Variants in BRINP3 observed in about 807,000 individuals in gnomAD.
BRINP3 encodes the protein BMP/retinoic acid inducible neural specific 3.
BRINP3 carries 19 observed loss-of-function variants against 71.0 expected under a neutral mutation model. That is an observed-to-expected ratio of 0.27 (90% CI 0.19 to 0.39). The LOEUF (loss-of-function observed/expected upper bound fraction) is 0.39, where lower values mean the gene tolerates loss of function less well. Ranked by LOEUF, BRINP3 falls within the 10% of genes least tolerant of loss-of-function variation. The probability of loss-of-function intolerance (pLI) is 1.00; values close to 1 mark genes in which losing one functional copy is unlikely to be tolerated. For missense variants in BRINP3, 959 were observed against 940.8 expected (o/e 1.02, Z -0.25); for synonymous variants, 380 against 337.7 (o/e 1.13, Z -1.37).
intron 2 of BRINP3, among the ~76,000 whole-genome samples, chr1:190,406,791 A>C (rs780822637): frequency 6.6e-6 from 1 of 151,930 alleles, no homozygotes; most frequent in Non-Finnish European, 1.5e-5. Flanking sequence ...ATTTCAAATA[A>C]ATAATTATAA....
intron 7 of BRINP3, among the ~76,000 whole-genome samples, chr1:190,124,764 G>T (rs1653953423): frequency 6.6e-6 from 1 of 152,014 alleles, no homozygotes. Context: ...AAAAAGAACA[G>T]GGAAGGGAGA....
intron 2 of BRINP3, among the ~76,000 whole-genome samples, chr1:190,423,024 T>C (rs2102468189): frequency 6.6e-6 from 1 of 151,930 alleles, no homozygotes; most frequent in South Asian, 2.1e-4. Flanking sequence ...AGGCAGGCAG[T>C]AAGCTTCCAT....
intron 6 of BRINP3, among the ~76,000 whole-genome samples, chr1:190,189,807 G>A (rs2102568029): frequency 6.6e-6 from 1 of 152,040 alleles, no homozygotes; most frequent in Non-Finnish European, 1.5e-5. Context: ...TGTTTCCCTG[G>A]ATATTCTTGA....
In BRINP3 at chr1:190,370,166, T is replaced by C. The variant is rs369986361; in HGVS notation, c.236+84489A>G. ...CACAATTGTCAAATTAATCCATGAA[T>C]GCATACACACATACACAAGCACAAT... On this transcript the variant is annotated intron_variant, in intron 2 of 7. Transcript: ENST00000367462. 1.4e-4 allele frequency among the ~76,000 whole-genome samples: 21 copies of C among 152,306 alleles called. No individual in the cohort carries two copies. The South Asian group carries it at 3.7e-3, about 27-fold the overall frequency.
intron 6 of BRINP3, among the ~76,000 whole-genome samples, chr1:190,179,943 A>G (rs1323041653): frequency 1.3e-5 from 2 of 152,126 alleles, no homozygotes; most frequent in Non-Finnish European, 1.5e-5. Flanking sequence ...GTAAAGTGGA[A>G]TAATGTTGGG....
intron 2 of BRINP3, among the ~76,000 whole-genome samples, chr1:190,341,159 G>A (rs1667630883): frequency 6.6e-6 from 1 of 151,796 alleles, no homozygotes; most frequent in South Asian, 2.1e-4. Flanking sequence ...TCACAGAAAA[G>A]CAATCAGCCA....
At chr1:190,447,471 G>A (rs1286458139) in intron 2 of BRINP3, among the ~76,000 whole-genome samples, 1 of 146,760 alleles carries the variant, frequency 6.8e-6, no homozygotes, top group Non-Finnish European at 1.5e-5. Context: ...GTGTGGAAAA[G>A]GGAAAGAGAT....
At chr1:190,260,605 A>AT (rs1225374936) in intron 4 of BRINP3, among the ~76,000 whole-genome samples, 1 of 151,986 alleles carries the variant, frequency 6.6e-6, no homozygotes. Flanking sequence ...CATTTTACTG[A>AT]TTTTGCCCCC....
intron 2 of BRINP3, among the ~76,000 whole-genome samples, chr1:190,303,466 T>C (rs1315956748): frequency 6.6e-6 from 1 of 151,752 alleles, no homozygotes; most frequent in African/African-American, 2.4e-5. Flanking sequence ...ATAAATTAAA[T>C]ATTGAGAAAT....
chr1:190,274,739 A>G (rs768089953), intron 3 of BRINP3, among the ~76,000 whole-genome samples: 2 of 151,590 alleles, frequency 1.3e-5, no homozygotes, highest in South Asian at 2.1e-4. Context: ...TAAGCTCCAC[A>G]TGTTAAAGGT....
At chr1:190,272,378 A>G (rs1662184149) in intron 3 of BRINP3, among the ~76,000 whole-genome samples, 1 of 151,480 alleles carries the variant, frequency 6.6e-6, no homozygotes, top group African/African-American at 2.4e-5. Context: ...ATAGCACATC[A>G]TCTCTCTACT....
intron 6 of BRINP3, among the ~76,000 whole-genome samples, chr1:190,198,466 C>T (rs900834657): frequency 1.3e-5 from 2 of 152,104 alleles, no homozygotes; most frequent in African/African-American, 4.8e-5. Flanking sequence ...CAATTCCAAC[C>T]ATATATTTGT....
chr1:190,283,118 A>G (rs1157476739), intron 2 of BRINP3, among the ~76,000 whole-genome samples: 1 of 152,000 alleles, frequency 6.6e-6, no homozygotes, highest in African/African-American at 2.4e-5. Context: ...TAATTATATG[A>G]TCAGAATCAC....
At chr1:190,452,156 A>C (rs896934233) in intron 2 of BRINP3, among the ~76,000 whole-genome samples, 9 of 152,192 alleles carry the variant, frequency 5.9e-5, no homozygotes, top group Non-Finnish European at 1.3e-4. Context: ...GCAAACATTA[A>C]TGAAAAGTGA....
intron 2 of BRINP3, among the ~76,000 whole-genome samples, chr1:190,395,813 G>A (rs1012890981): frequency 5.9e-5 from 9 of 151,776 alleles, no homozygotes; most frequent in Non-Finnish European, 1.0e-4. Context: ...CCCTTGAAGA[G>A]TCCATCGATG....
chr1:190,277,632 A>AT (rs1425522938), intron 3 of BRINP3, among the ~76,000 whole-genome samples: 1 of 151,540 alleles, frequency 6.6e-6, no homozygotes, highest in African/African-American at 2.4e-5. Flanking sequence ...TAAAGTCATT[A>AT]TTTTTTGTCA....
chr1:190,098,675 A>G lies in BRINP3; in HGVS notation c.1644T>C (p.His548=), dbSNP rs142397410. 6.8e-6 allele frequency: 11 copies of G among 1,614,086 alleles called. No individual in the cohort carries two copies. In the African/African-American group the frequency reaches 1.2e-4, roughly 18 times the overall value. ...KSNKYKSSLV[H]MILGLSLQIC... is the part of the protein sequence containing the mutation. ...TCTGTAAAGAGAGACCCAAAATCAT[A>G]TGGACCAGACTTGACTTGTACTTAT... Residue 548 remains histidine, a synonymous_variant, in exon 8 of 8, where the codon CAT becomes CAC. Transcript: ENST00000367462.
At chr1:190,410,080 C>A (rs1010333182) in intron 2 of BRINP3, among the ~76,000 whole-genome samples, 2 of 151,218 alleles carry the variant, frequency 1.3e-5, no homozygotes, top group Non-Finnish European at 2.9e-5. Flanking sequence ...TTATCCTTTG[C>A]TCTTTAATAG....
intron 1 of BRINP3, chr1:190,474,403 C>A (rs1558318976): frequency 6.6e-6 from 1 of 152,580 alleles, no homozygotes; most frequent in Non-Finnish European, 1.5e-5. Context: ...ACATTCATTC[C>A]TTACCTGCTT....
Sources: allele counts gnomAD v4.1 joint callset (sites outside exome capture counted in the v4.1 genomes callset), GRCh38; gene constraint gnomAD v4.1.1; transcripts MANE v1.5; gene names NCBI Gene and HGNC (gene_info 2026-07-23, HGNC 2026-07-21).